The following TMEM63C variants were observed in gnomAD, a reference collection of about 807,000 sequenced individuals.
TMEM63C encodes transmembrane protein 63C, also known as osmosensitive cation channel TMEM63C.
TMEM63C carries 32 observed loss-of-function variants against 99.2 expected under a neutral mutation model. The observed-to-expected ratio is 0.32, with a 90% CI of 0.24 to 0.43. The LOEUF (loss-of-function observed/expected upper bound fraction) is 0.43. Among genes scored for constraint, TMEM63C ranks in the 20% least tolerant of loss-of-function variants. The pLI is 1.00. For missense variants in TMEM63C, 826 were observed against 1,053.0 expected (o/e 0.78, Z 2.98); for synonymous variants, 376 against 397.9 (o/e 0.94, Z 0.66).
intron 14 of TMEM63C, among the ~76,000 whole-genome samples, 174 bp from the exon 15 acceptor site, chr14:77,242,729 C>T (rs1465097439): frequency 6.6e-6 from 1 of 152,100 alleles, no homozygotes; most frequent in East Asian, 1.9e-4. Flanking sequence ...GCTCTGGATC[C>T]TTTATAAATG....
chr14:77,239,523 G>A (rs374514792), intron 11 of TMEM63C, 31 bp downstream of exon 11: 31 of 1,612,560 alleles, frequency 1.9e-5, no homozygotes, highest in African/African-American at 5.3e-5. Context: ...TTTGGGGCCC[G>A]GGGTGGGGGT....
Position 77,246,659 on chromosome 14 carries a change from C to A in TMEM63C, c.1586C>A (p.Ala529Glu). 1 of 1,613,330 alleles carries A rather than the reference C, an allele frequency of 6.2e-7. No individual in the cohort carries two copies. Among genetic ancestry groups the A allele is most frequent in the Non-Finnish European group, 8.5e-7 (1 of 1,179,604 alleles). Reference protein sequence around the residue: ...WLFDIYYLEQASIRFQCVFLP... With the variant: ...WLFDIYYLEQESIRFQCVFLP... ...TTTGACATCTACTATCTAGAGCAAG[C>A]ATCCATCAGGTTCCAGTGAGTACTC... is the stretch of plus-strand genomic sequence containing the variant. The change falls in exon 18 of 24, where the codon GCA (alanine) becomes GAA (glutamate). Residue 529 changes from alanine to glutamate, a missense_variant. By Grantham distance (107) the Ala-to-Glu change is moderately radical. Coordinates refer to ENST00000298351, the MANE Select transcript of TMEM63C (RefSeq NM_020431.4).
chr14:77,201,099 C>T (rs1888293791), intron 1 of TMEM63C: 1 of 151,792 alleles, frequency 6.6e-6, no homozygotes, highest in African/African-American at 2.4e-5. Flanking sequence ...TGTGGCCACA[C>T]CCACAGCAAA....
chr14:77,189,141 G>T (rs563863706), intron 1 of TMEM63C, among the ~76,000 whole-genome samples: 5 of 149,790 alleles, frequency 3.3e-5, no homozygotes, highest in Non-Finnish European at 7.4e-5. Flanking sequence ...ACAGGGTCTT[G>T]CTTTGTTGCC....
At chr14:77,242,733 A>G (rs761058565) in intron 14 of TMEM63C, among the ~76,000 whole-genome samples, 170 bp from the exon 15 acceptor site, 8 of 151,952 alleles carry the variant, frequency 5.3e-5, no homozygotes, top group Non-Finnish European at 7.4e-5. Context: ...TGGATCCTTT[A>G]TAAATGGTGT....
rs552451549 is a variant in TMEM63C, at chr14:77,207,083, C to T, written c.-76-6363C>T. ...AGCTGCCTCTGCCTTCTGTCTCCAG[C>T]ACCCCCTGGGCACCATCATGGCTGC... On this transcript the variant is annotated intron_variant, in intron 1 of 23. Transcript: ENST00000298351. Among the ~76,000 whole-genome samples the T allele has an allele frequency of 7.2e-5, 11 of 152,338 alleles. No individual in the cohort carries two copies. The South Asian group carries it at 1.9e-3, about 26-fold the overall frequency.
At chr14:77,209,902 GC>G (rs1391305063) in intron 1 of TMEM63C, among the ~76,000 whole-genome samples, 1 of 152,034 alleles carries the variant, frequency 6.6e-6, no homozygotes, top group African/African-American at 2.4e-5. Flanking sequence ...GGTGGTGTGG[GC>G]CTCTGTAGAT....
chr14:77,194,724 C>T (rs1430294500), intron 1 of TMEM63C, among the ~76,000 whole-genome samples: 1 of 132,610 alleles, frequency 7.5e-6, no homozygotes, highest in Non-Finnish European at 1.6e-5. Flanking sequence ...CAGGCGGACA[C>T]CACCACATCC....
At chr14:77,252,566 C>T (rs561281299) in intron 22 of TMEM63C, among the ~76,000 whole-genome samples, 17 of 152,294 alleles carry the variant, frequency 1.1e-4, no homozygotes, top group Non-Finnish European at 1.5e-4. Flanking sequence ...TTCATGGTTA[C>T]GTATTTAACA....
intron 21 of TMEM63C, among the ~76,000 whole-genome samples, chr14:77,250,968 G>A (rs1006118131): frequency 6.6e-6 from 1 of 152,166 alleles, no homozygotes; most frequent in African/African-American, 2.4e-5. Flanking sequence ...CCAGGCATGC[G>A]CTTTGGGGCT....
intron 1 of TMEM63C, among the ~76,000 whole-genome samples, chr14:77,195,866 A>C (rs1888205061): frequency 6.6e-6 from 1 of 152,192 alleles, no homozygotes; most frequent in Non-Finnish European, 1.5e-5. Flanking sequence ...GAGCTGGGGC[A>C]GGCTGGGGGT....
intron 17 of TMEM63C, 21 bp from the exon 18 acceptor site, chr14:77,246,588 C>T (rs753589037): frequency 1.2e-6 from 2 of 1,609,330 alleles, no homozygotes; most frequent in South Asian, 2.2e-5. Flanking sequence ...ACTAACAGAC[C>T]TGCCTTGTTT....
intron 9 of TMEM63C, 42 bp downstream of exon 9, chr14:77,236,774 G>C: frequency 7.0e-7 from 1 of 1,423,790 alleles, no homozygotes; most frequent in South Asian, 1.1e-5. Flanking sequence ...GGGAAGCTGG[G>C]GTCCCTCCCC....
rs573578673 is a variant in TMEM63C at position 77,249,656 on chromosome 14, G to A, written c.2038+198G>A. 3.3e-5 allele frequency among the ~76,000 whole-genome samples: 5 copies of A among 152,306 alleles called. No homozygotes were observed. The South Asian group carries it at 1.0e-3, about 32-fold the overall frequency. ...AGCTGAGCTTCAAGGCTAAGAGGAG[G>A]CCCTGGACCAACATGGTCCCCAGGT... On this transcript the variant is annotated intron_variant, in intron 21 of 23. Coordinates refer to ENST00000298351, the MANE Select transcript of TMEM63C (RefSeq NM_020431.4).
intron 1 of TMEM63C, among the ~76,000 whole-genome samples, chr14:77,205,199 A>G (rs1399754889): frequency 6.6e-6 from 1 of 152,198 alleles, no homozygotes; most frequent in Non-Finnish European, 1.5e-5. Flanking sequence ...GGGAAGTTTG[A>G]CATGATGAAG....
chr14:77,187,947 C>T (rs907346581), intron 1 of TMEM63C, among the ~76,000 whole-genome samples: 2 of 152,152 alleles, frequency 1.3e-5, no homozygotes, highest in East Asian at 1.9e-4. Context: ...GTGTGTGGGG[C>T]GGGGGGATGT....
At chr14:77,230,664 G>A (rs1451718318) in intron 6 of TMEM63C, among the ~76,000 whole-genome samples, 1 of 152,092 alleles carries the variant, frequency 6.6e-6, no homozygotes, top group Non-Finnish European at 1.5e-5. Flanking sequence ...TGCTCCTTAT[G>A]AGACTCTAAC....
intron 16 of TMEM63C, 64 bp downstream of exon 16, chr14:77,244,519 C>A (rs568921343): frequency 1.5e-6 from 2 of 1,337,580 alleles, no homozygotes; most frequent in Non-Finnish European, 2.1e-6. Context: ...GCCCTGGCTT[C>A]CCCGCCAGCC....
chr14:77,204,166 AG>A (rs2140099029), intron 1 of TMEM63C, among the ~76,000 whole-genome samples: 1 of 152,370 alleles, frequency 6.6e-6, no homozygotes, highest in African/African-American at 2.4e-5. Context: ...GCAATAACTC[AG>A]GGTCAAACTG....
Sources: gnomAD v4.1 joint callset for allele counts (sites outside exome capture counted in the v4.1 genomes callset) on GRCh38, gnomAD v4.1.1 for gene constraint, MANE v1.5 for transcripts, NCBI Gene and HGNC (gene_info 2026-07-23, HGNC 2026-07-21) for gene names.